The following NCALD variants were observed in gnomAD, a reference collection of about 807,000 sequenced individuals.
NCALD encodes neurocalcin-delta.
In NCALD, 10 loss-of-function variants were observed where a neutral mutation model predicts 18.6. The ratio of observed to expected loss-of-function variants is 0.54; its 90% CI spans 0.33 to 0.91. NCALD has a LOEUF of 0.91. Among genes scored for constraint, NCALD ranks in the 40% least tolerant of loss-of-function variants. The pLI is 0.03. For synonymous variants in NCALD, 88 were observed against 87.4 expected (o/e 1.01, Z -0.04); for missense variants, 184 against 247.6 (o/e 0.74, Z 1.72).
At chr8:101,849,387 G>T (rs1453318079) in intron 4 of NCALD, among the ~76,000 whole-genome samples, 1 of 152,102 alleles carries the variant, frequency 6.6e-6, no homozygotes, top group Non-Finnish European at 1.5e-5. Context: ...ATAGAATTTG[G>T]TATCTGATTT....
intron 1 of NCALD, among the ~76,000 whole-genome samples, chr8:101,784,056 G>A (rs923711767): frequency 6.6e-6 from 1 of 152,094 alleles, no homozygotes; most frequent in African/African-American, 2.4e-5. Flanking sequence ...GCTTAAAACA[G>A]TAACAACTTT....
intron 2 of NCALD, among the ~76,000 whole-genome samples, chr8:101,699,443 TATAAAGACAC>T (rs1251148446): frequency 6.6e-6 from 1 of 152,208 alleles, no homozygotes; most frequent in African/African-American, 2.4e-5. Context: ...ATCATTCTAC[TATAAAGACAC>T]ATGCACATGT....
chr8:101,832,369 T>G (rs568858368), intron 4 of NCALD, among the ~76,000 whole-genome samples: 1 of 152,194 alleles, frequency 6.6e-6, no homozygotes, highest in African/African-American at 2.4e-5. Flanking sequence ...GACGGAGCAT[T>G]TGAACTTCTT....
Position 102,022,884 on chromosome 8 carries a change from A to C in NCALD, c.-209-2595T>G, listed in dbSNP as rs968639222. Among the ~76,000 whole-genome samples, 4 of 152,030 alleles carry C rather than the reference A, an allele frequency of 2.6e-5. No homozygotes were observed. In the South Asian group the frequency reaches 8.3e-4, roughly 32 times the overall value. On this transcript the variant is annotated intron_variant, in intron 1 of 6. Transcript: ENST00000311028. ...CAAGCCAGTAAATGGTAAGCACCAC[A>C]TGTGTTCTTGTCCTCTTTCCCCCTC...
At position 101,813,482 on chromosome 8, in the gene NCALD, C is replaced by T. The variant is rs182615856; in HGVS notation, c.-20+73659G>A. Among the ~76,000 whole-genome samples, 7 of 152,216 alleles carry T rather than the reference C, an allele frequency of 4.6e-5. No homozygotes were observed. The East Asian group carries it at 1.3e-3, about 29-fold the overall frequency. On this transcript the variant is annotated intron_variant, in intron 4 of 6. Coordinates refer to the NCALD transcript ENST00000311028. The stretch of plus-strand genomic sequence containing the variant: ...TAACTGAGTTACTTGCTCAAGGATA[C>T]ACAGCTAGTCGGTGGCAGATTGAAA...
intron 1 of NCALD, among the ~76,000 whole-genome samples, chr8:101,761,579 T>G (rs1352085898): frequency 6.6e-6 from 1 of 152,226 alleles, no homozygotes; most frequent in East Asian, 1.9e-4. Context: ...AACTTATCAT[T>G]TGAAGGCACT....
chr8:101,788,252 T>C (rs16868447), intron 1 of NCALD, among the ~76,000 whole-genome samples: 3,249 of 152,254 alleles, frequency 0.021, 109 homozygotes, highest in African/African-American at 0.073. Flanking sequence ...ATCAATTGAC[T>C]CAGGGGTGGA....
intron 3 of NCALD, among the ~76,000 whole-genome samples, chr8:101,890,709 C>T (rs1311937878): frequency 6.6e-6 from 1 of 152,194 alleles, no homozygotes; most frequent in Non-Finnish European, 1.5e-5. Flanking sequence ...GCATCTTAAT[C>T]TTGGACTTCC....
At chr8:101,985,429 G>A (rs1820771999) in intron 2 of NCALD, among the ~76,000 whole-genome samples, 2 of 152,220 alleles carry the variant, frequency 1.3e-5, no homozygotes, top group African/African-American at 4.8e-5. Context: ...GATTTGTAAT[G>A]CAGCCATAGA....
chr8:102,119,133 G>C lies in NCALD; in HGVS notation c.-210+5104C>G, dbSNP rs376006334. Among the ~76,000 whole-genome samples, 31 of 152,294 alleles carry C rather than the reference G, an allele frequency of 2.0e-4. No homozygotes were observed. The East Asian group carries it at 4.4e-3, about 22-fold the overall frequency. ...ATATCACTGTACACCCATATTCACAGCAGTGTTTTCACAGTAGCCAAAAGA... is the reference window on the plus strand; with the variant it reads ...ATATCACTGTACACCCATATTCACACCAGTGTTTTCACAGTAGCCAAAAGA... On this transcript the variant is annotated intron_variant, in intron 1 of 6. Coordinates refer to the NCALD transcript ENST00000311028.
intron 1 of NCALD, among the ~76,000 whole-genome samples, chr8:101,754,870 A>G (rs181185398): frequency 3.6e-4 from 55 of 150,700 alleles, no homozygotes; most frequent in African/African-American, 8.2e-4. Context: ...ATGAATGAAT[A>G]AATGAATGAA....
rs551324190 is a variant in NCALD at position 102,001,313 on chromosome 8, A to G, written c.-157+18924T>C. Among the ~76,000 whole-genome samples, 1,463 of 152,326 alleles carry G rather than the reference A, an allele frequency of 9.6e-3. 24 individuals are homozygous for G. The highest frequency in any genetic ancestry group is 0.03 in the African/African-American group (1,245 of 41,568). ...CAAATGAATGAAATGAAGTGAGAAGAGAAGTTTAGAGAAAAAAGAATAAAA... is the reference window on the plus strand; with the variant it reads ...CAAATGAATGAAATGAAGTGAGAAGGGAAGTTTAGAGAAAAAAGAATAAAA... On this transcript the variant is annotated intron_variant, in intron 2 of 6. Coordinates refer to the NCALD transcript ENST00000311028.
intron 2 of NCALD, 125 bp downstream of exon 2, chr8:101,719,127 T>G: frequency 9.0e-7 from 1 of 1,114,366 alleles, no homozygotes; most frequent in Non-Finnish European, 1.3e-6. Context: ...ACATGCAGGG[T>G]GGGCCAAATG....
At chr8:102,101,586 C>A (rs1825284613) in intron 1 of NCALD, among the ~76,000 whole-genome samples, 1 of 152,278 alleles carries the variant, frequency 6.6e-6, no homozygotes, top group African/African-American at 2.4e-5. Flanking sequence ...TTCTCGGAAG[C>A]TTTGAACAAG....
At chr8:101,730,130 A>C (rs955992283) in intron 1 of NCALD, among the ~76,000 whole-genome samples, 2 of 152,186 alleles carry the variant, frequency 1.3e-5, no homozygotes, top group African/African-American at 4.8e-5. Flanking sequence ...TATGAAACCC[A>C]TATACTCTAA....
chr8:101,887,447 C>T (rs1816716050), intron 3 of NCALD, among the ~76,000 whole-genome samples: 1 of 152,052 alleles, frequency 6.6e-6, no homozygotes, highest in Non-Finnish European at 1.5e-5. Context: ...GCACAGTCTC[C>T]AAAGAGTAGG....
intron 1 of NCALD, among the ~76,000 whole-genome samples, chr8:102,042,931 A>C (rs1447582040): frequency 6.6e-6 from 1 of 151,868 alleles, no homozygotes; most frequent in Non-Finnish European, 1.5e-5. Context: ...CACCAAATCA[A>C]AACTTCTGGC....
At chr8:101,812,954 C>G (rs906086181) in intron 4 of NCALD, among the ~76,000 whole-genome samples, 1 of 152,076 alleles carries the variant, frequency 6.6e-6, no homozygotes, top group Non-Finnish European at 1.5e-5. Context: ...GCCACTGACT[C>G]CTGAAAATGG....
At chr8:102,040,599 G>A (rs1823018433) in intron 1 of NCALD, among the ~76,000 whole-genome samples, 1 of 152,192 alleles carries the variant, frequency 6.6e-6, no homozygotes, top group African/African-American at 2.4e-5. Flanking sequence ...GCCTCTAGCT[G>A]TTATCCTGAT....
Sources: gnomAD v4.1 joint callset for allele counts (sites outside exome capture counted in the v4.1 genomes callset) on GRCh38, gnomAD v4.1.1 for gene constraint, MANE v1.5 for transcripts, NCBI Gene and HGNC (gene_info 2026-07-23, HGNC 2026-07-21) for gene names.